The following IRAG2 variants were observed in gnomAD, a reference collection of about 807,000 sequenced individuals.
The protein encoded by IRAG2 is inositol 1,4,5-triphosphate receptor associated 2, also known as lymphoid restricted membrane protein.
IRAG2 carries 45 observed loss-of-function variants against 69.9 expected under a neutral mutation model. That is an observed-to-expected ratio of 0.64 (90% confidence interval 0.51 to 0.83). IRAG2 has a LOEUF of 0.83. Among genes scored for constraint, IRAG2 ranks in the 40% least tolerant of loss-of-function variants. The pLI is 0.00. For synonymous variants in IRAG2, 193 were observed against 202.4 expected (o/e 0.95, Z 0.40); for missense variants, 520 against 587.0 (o/e 0.89, Z 1.18).
chr12:25,040,450 C>CT (rs1944739029), intron 16 of IRAG2, among the ~76,000 whole-genome samples: 1 of 151,394 alleles, frequency 6.6e-6, no homozygotes, highest in Non-Finnish European at 1.5e-5. Context: ...CTACAGTGAG[C>CT]TATAATTGTG....
chr12:25,061,885 A>G (rs1013052054), intron 2 of IRAG2, among the ~76,000 whole-genome samples: 1 of 152,220 alleles, frequency 6.6e-6, no homozygotes, highest in African/African-American at 2.4e-5. Flanking sequence ...CTAGAGAGGA[A>G]GCATTTCAGA....
chr12:25,053,533 A>T (rs1945001236), intron 1 of IRAG2, among the ~76,000 whole-genome samples: 1 of 152,222 alleles, frequency 6.6e-6, no homozygotes, highest in African/African-American at 2.4e-5. Flanking sequence ...ATTTTTCTGT[A>T]TTACCCAAAA....
intron 2 of IRAG2, among the ~76,000 whole-genome samples, chr12:25,007,021 T>G (rs1435617439): frequency 6.6e-6 from 1 of 152,254 alleles, no homozygotes; most frequent in East Asian, 1.9e-4. Context: ...GTTGTATATC[T>G]TTCCACAATT....
chr12:25,027,762 T>A (rs1177092622), intron 9 of IRAG2, among the ~76,000 whole-genome samples: 1 of 152,188 alleles, frequency 6.6e-6, no homozygotes, highest in East Asian at 1.9e-4. Flanking sequence ...TGTTCACTCA[T>A]CAGGTGATGG....
At chr12:25,104,685 GA>G (rs1948935577) in intron 20 of IRAG2, among the ~76,000 whole-genome samples, 2 of 152,144 alleles carry the variant, frequency 1.3e-5, no homozygotes, top group South Asian at 4.1e-4. Context: ...TCTTAAGTTA[GA>G]AAAGACCCTG....
In IRAG2 at chr12:25,014,665, T is replaced by C. The variant is rs141649125; in HGVS notation, c.897-517T>C. ...AGAAGTAAAATGCCCAAAGTAAAAT[T>C]AGTCGAGGTTCTATTTGATTCTCCA... is the stretch of plus-strand genomic sequence containing the variant. On this transcript the variant is annotated intron_variant, in intron 3 of 38. Coordinates refer to the IRAG2 transcript ENST00000636465. Among the ~76,000 whole-genome samples the C allele has an allele frequency of 4.6e-3, 699 of 152,174 alleles. 28 individuals carry two copies. Among genetic ancestry groups the C allele is most frequent in the Admixed American group, 0.042 (641 of 15,282 alleles).
intron 9 of IRAG2, among the ~76,000 whole-genome samples, chr12:25,081,379 G>A (rs1947204354): frequency 6.6e-6 from 1 of 152,208 alleles, no homozygotes; most frequent in Non-Finnish European, 1.5e-5. Context: ...CAGGAGAATG[G>A]CGTGAACCCG....
upstream of IRAG2, among the ~76,000 whole-genome samples, chr12:25,002,626 A>C (rs116399030): frequency 2.2e-5 from 3 of 135,342 alleles, no homozygotes; most frequent in South Asian, 2.3e-4. Context: ...TTGAGAGATC[A>C]TTCTTCTTCT....
At chr12:25,106,505 G>A (rs1282823568) in intron 20 of IRAG2, among the ~76,000 whole-genome samples, 1 of 57,110 alleles carries the variant, frequency 1.8e-5, no homozygotes, top group Non-Finnish European at 3.5e-5. Context: ...TATATATACT[G>A]CACTCCAGCC....
intron 10 of IRAG2, among the ~76,000 whole-genome samples, chr12:25,084,638 C>G (rs1431679699): frequency 2.0e-5 from 3 of 151,858 alleles, no homozygotes; most frequent in Non-Finnish European, 4.4e-5. Flanking sequence ...GAAACAGAGA[C>G]CCATGCAAGC....
upstream of IRAG2, among the ~76,000 whole-genome samples, chr12:25,048,083 G>A (rs1205876135): frequency 2.6e-5 from 4 of 152,258 alleles, no homozygotes; most frequent in African/African-American, 7.2e-5. Flanking sequence ...CCCACCAACA[G>A]TATAAAAGCA....
At chr12:25,013,866 CTTTTTTTTTTTTTTTT>C (rs71063386) in intron 3 of IRAG2, among the ~76,000 whole-genome samples, 3 of 79,530 alleles carry the variant, frequency 3.8e-5, no homozygotes, top group African/African-American at 1.5e-4. Context: ...TTTTCTTTTT[CTTTTTTTTTTTTTTTT>C]TTTTTTTTTT....
chr12:25,009,647 G>C (rs1944459555), intron 2 of IRAG2, among the ~76,000 whole-genome samples: 1 of 152,196 alleles, frequency 6.6e-6, no homozygotes, highest in Admixed American at 6.5e-5. Flanking sequence ...AGATCTGCAG[G>C]ATGTCAGCAA....
At chr12:25,018,588 T>C (rs963255292) in intron 6 of IRAG2, among the ~76,000 whole-genome samples, 1 of 152,214 alleles carries the variant, frequency 6.6e-6, no homozygotes, top group African/African-American at 2.4e-5. Context: ...TTAAAAAAAT[T>C]GCTTACCTCA....
At chr12:25,064,829 C>G (rs1387904011) in intron 4 of IRAG2, among the ~76,000 whole-genome samples, 1 of 152,176 alleles carries the variant, frequency 6.6e-6, no homozygotes, top group Non-Finnish European at 1.5e-5. Flanking sequence ...GTGGCTCAAG[C>G]CTGTAATTCC....
intron 20 of IRAG2, among the ~76,000 whole-genome samples, chr12:25,105,655 T>C (rs924394245): frequency 6.6e-6 from 1 of 152,124 alleles, no homozygotes; most frequent in African/African-American, 2.4e-5. Context: ...AAAAATCAGT[T>C]CAAGAGTCTC....
intron 16 of IRAG2, among the ~76,000 whole-genome samples, chr12:25,042,232 G>A (rs1288928008): frequency 6.6e-6 from 1 of 151,830 alleles, no homozygotes; most frequent in African/African-American, 2.4e-5. Flanking sequence ...TTGACTTAGA[G>A]GCTTTTGATC....
At chr12:25,072,336 C>G (rs886482360) in intron 6 of IRAG2, among the ~76,000 whole-genome samples, 1 of 152,210 alleles carries the variant, frequency 6.6e-6, no homozygotes, top group African/African-American at 2.4e-5. Context: ...TGCAACAGCC[C>G]AGGAATTAGT....
chr12:25,017,366 T>C, intron 6 of IRAG2: 1 of 1,132,148 alleles, frequency 8.8e-7, no homozygotes, highest in Non-Finnish European at 1.1e-6. Flanking sequence ...CTTTTAAATA[T>C]TGAGAGTCAC....
Sources: allele counts gnomAD v4.1 joint callset (sites outside exome capture counted in the v4.1 genomes callset), GRCh38; gene constraint gnomAD v4.1.1; transcripts MANE v1.5; gene names NCBI Gene and HGNC (gene_info 2026-07-23, HGNC 2026-07-21).